ATP2C1: variants seen among roughly 807,000 people sequenced by gnomAD.
ATP2C1 encodes calcium-transporting ATPase type 2C member 1.
Under a neutral mutation model 120.5 loss-of-function variants are expected in ATP2C1, and 31 were observed. That is an observed-to-expected ratio of 0.26 (90% CI 0.19 to 0.35). ATP2C1 has a LOEUF of 0.35. Among genes scored for constraint, ATP2C1 ranks in the 10% least tolerant of loss-of-function variants. The pLI, the probability that ATP2C1 is intolerant of heterozygous loss-of-function variation, is 1.00. For synonymous variants in ATP2C1, 351 were observed against 358.7 expected, an observed-to-expected ratio of 0.98 and a Z score of 0.24; for missense variants, 731 against 1,107.5, an observed-to-expected ratio of 0.66 and a Z score of 4.83.
chr3:131,007,928 A>G (rs1409324088), downstream of ATP2C1, among the ~76,000 whole-genome samples: 1 of 152,210 alleles, frequency 6.6e-6, no homozygotes, highest in Admixed American at 6.5e-5. Context: ...CAATTTTAAC[A>G]AGCTATAAAT....
At chr3:130,943,725 T>A (rs1018229983) in intron 8 of ATP2C1, among the ~76,000 whole-genome samples, 1 of 152,204 alleles carries the variant, frequency 6.6e-6, no homozygotes, top group East Asian at 1.9e-4. Flanking sequence ...TAATTCTGCC[T>A]TATTTGTTTT....
At chr3:130,986,898 G>A (rs1255121388) in intron 20 of ATP2C1, among the ~76,000 whole-genome samples, 4 of 61,050 alleles carry the variant, frequency 6.6e-5, no homozygotes, top group African/African-American at 1.5e-4. Context: ...GTTTAGTTTA[G>A]TTTAGTTTAG....
intron 2 of ATP2C1, among the ~76,000 whole-genome samples, chr3:130,911,585 T>G (rs2058415646): frequency 6.6e-6 from 1 of 152,078 alleles, no homozygotes; most frequent in Non-Finnish European, 1.5e-5. Context: ...TTGTGGGCAT[T>G]TAGTGCTATA....
chr3:130,903,576 G>A (rs2057967305), intron 2 of ATP2C1, among the ~76,000 whole-genome samples: 1 of 151,800 alleles, frequency 6.6e-6, no homozygotes, highest in South Asian at 2.1e-4. Flanking sequence ...GGTATTAGGA[G>A]AAGGTATAAA....
intron 22 of ATP2C1, among the ~76,000 whole-genome samples, chr3:130,995,380 G>A (rs852212): frequency 0.89 from 134,795 of 151,264 alleles, 60,395 homozygotes; most frequent in Non-Finnish European, 0.95. Flanking sequence ...GTGCCACTGC[G>A]CTCCAGCCTG....
intron 7 of ATP2C1, among the ~76,000 whole-genome samples, 175 bp from the exon 8 acceptor site, chr3:130,941,416 A>G (rs2059914840): frequency 6.6e-6 from 1 of 152,212 alleles, no homozygotes; most frequent in African/African-American, 2.4e-5. Context: ...TGAACAAATA[A>G]TTTGTTTTTC....
intron 21 of ATP2C1, among the ~76,000 whole-genome samples, 156 bp downstream of exon 21, chr3:130,993,157 C>A (rs1022473377): frequency 6.6e-6 from 1 of 151,352 alleles, no homozygotes; most frequent in African/African-American, 2.4e-5. Flanking sequence ...CATAGAAACA[C>A]TAATAGAGAA....
intron 11 of ATP2C1, 76 bp downstream of exon 11, chr3:130,956,255 TTTTA>T (rs2108568410): frequency 1.2e-6 from 1 of 851,142 alleles, no homozygotes; most frequent in African/African-American, 1.7e-5. Context: ...GGTATTCTAG[TTTTA>T]TTTATTGGCT....
intron 18 of ATP2C1, among the ~76,000 whole-genome samples, chr3:130,977,038 G>A (rs2061555109): frequency 6.6e-6 from 1 of 152,028 alleles, no homozygotes; most frequent in Admixed American, 6.6e-5. Context: ...CCTCAGCTAG[G>A]GAAAGAGAAT....
chr3:130,963,786 G>A (rs532137905), intron 12 of ATP2C1, 185 bp from the exon 13 acceptor site: 636 of 638,034 alleles, frequency 1.0e-3, no homozygotes, highest in Middle Eastern at 5.9e-3. Context: ...TAACCACTGT[G>A]CTTAACCTGG....
intron 12 of ATP2C1, among the ~76,000 whole-genome samples, chr3:130,961,853 A>AG (rs145228781): frequency 0.018 from 2,696 of 152,176 alleles, 79 homozygotes; most frequent in African/African-American, 0.062. Flanking sequence ...GAAGCACTGT[A>AG]GGCCGTAATG....
At chr3:130,970,325 C>T (rs963962050) in intron 17 of ATP2C1, among the ~76,000 whole-genome samples, 1 of 150,748 alleles carries the variant, frequency 6.6e-6, no homozygotes, top group Non-Finnish European at 1.5e-5. Context: ...CGAGATCACC[C>T]CAGTGCACTC....
chr3:130,884,987 A>G (rs560925230), intron 1 of ATP2C1, among the ~76,000 whole-genome samples: 2 of 142,172 alleles, frequency 1.4e-5, no homozygotes, highest in African/African-American at 5.3e-5. Context: ...AGGCTGGAGT[A>G]CAATGGCGCG....
upstream of ATP2C1, among the ~76,000 whole-genome samples, chr3:130,889,168 A>G (rs2069080868): frequency 6.6e-6 from 1 of 152,196 alleles, no homozygotes; most frequent in Admixed American, 6.5e-5. Flanking sequence ...GGGACAATTT[A>G]GACACGCCAA....
chr3:130,951,698 A>G (rs370607529), intron 8 of ATP2C1, among the ~76,000 whole-genome samples: 1 of 152,196 alleles, frequency 6.6e-6, no homozygotes, highest in South Asian at 2.1e-4. Flanking sequence ...CGTTAAGGTA[A>G]TGAACTCAGA....
chr3:130,973,984 G>T (rs1233518390), intron 17 of ATP2C1, among the ~76,000 whole-genome samples: 1 of 152,156 alleles, frequency 6.6e-6, no homozygotes, highest in East Asian at 1.9e-4. Flanking sequence ...GTAGAGGGTT[G>T]TTCCTAGATA....
chr3:130,865,843 C>A (rs769502060), intron 1 of ATP2C1, among the ~76,000 whole-genome samples: 115 of 152,326 alleles, frequency 7.5e-4, no homozygotes, highest in Non-Finnish European at 1.2e-3. Context: ...AGCATCAAAA[C>A]AGACTAATAT....
intron 26 of ATP2C1, among the ~76,000 whole-genome samples, chr3:131,010,384 C>T (rs926250645): frequency 2.0e-5 from 3 of 151,598 alleles, no homozygotes; most frequent in African/African-American, 4.8e-5. Flanking sequence ...TTAGTAGAGA[C>T]GGGGTTTCAC....
intron 12 of ATP2C1, among the ~76,000 whole-genome samples, chr3:130,961,951 T>C (rs1040408710): frequency 2.0e-5 from 3 of 152,044 alleles, no homozygotes; most frequent in African/African-American, 7.2e-5. Flanking sequence ...ACCTTAATTT[T>C]GATGAGTGAG....
Sources: gnomAD v4.1 joint callset for allele counts (sites outside exome capture counted in the v4.1 genomes callset) on GRCh38, gnomAD v4.1.1 for gene constraint, MANE v1.5 for transcripts, NCBI Gene and HGNC (gene_info 2026-07-23, HGNC 2026-07-21) for gene names.